GRIP1: variants seen among roughly 807,000 people sequenced by gnomAD.
GRIP1 encodes the protein glutamate receptor-interacting protein 1.
Under a neutral mutation model 129.9 loss-of-function variants are expected in GRIP1, and 45 were observed. The observed-to-expected ratio is 0.35, with a 90% confidence interval of 0.27 to 0.44. The LOEUF is 0.44. GRIP1 is among the 20% of genes least tolerant of loss of function. GRIP1 has a pLI of 1.00. For synonymous variants in GRIP1, 530 were observed against 520.8 expected (o/e 1.02, Z -0.24); for missense variants, 1,196 against 1,396.8 (o/e 0.86, Z 2.29).
At chr12:66,895,241 G>C (rs376110624) in intron 1 of GRIP1, among the ~76,000 whole-genome samples, 1 of 152,120 alleles carries the variant, frequency 6.6e-6, no homozygotes, top group Admixed American at 6.6e-5. Flanking sequence ...CTGGTGGGAG[G>C]TAATTGAATC....
chr12:66,728,497 A>G (rs2036326001), intron 1 of GRIP1, among the ~76,000 whole-genome samples: 1 of 152,198 alleles, frequency 6.6e-6, no homozygotes, highest in Non-Finnish European at 1.5e-5. Flanking sequence ...GAAACAATAA[A>G]GAAGAACACG....
chr12:67,039,450 C>T (rs2043144313), intron 1 of GRIP1, among the ~76,000 whole-genome samples: 1 of 152,162 alleles, frequency 6.6e-6, no homozygotes, highest in African/African-American at 2.4e-5. Context: ...ACTAGCCACA[C>T]AGTCAGTAGG....
chr12:67,068,848 A>AGCCCCCC (rs2043679653), intron 1 of GRIP1, among the ~76,000 whole-genome samples: 1 of 2,402 alleles, frequency 4.2e-4, no homozygotes, highest in African/African-American at 1.4e-3. Flanking sequence ...CTGCCCTCTC[A>AGCCCCCC]TCCCGCCCCC....
At chr12:66,762,573 G>T (rs1371619646) in intron 1 of GRIP1, among the ~76,000 whole-genome samples, 1 of 152,052 alleles carries the variant, frequency 6.6e-6, no homozygotes, top group Non-Finnish European at 1.5e-5. Flanking sequence ...TAAAATTTGT[G>T]GCTAAACATC....
intron 15 of GRIP1, among the ~76,000 whole-genome samples, chr12:66,408,929 G>C (rs1408594808): frequency 2.0e-5 from 3 of 152,184 alleles, no homozygotes; most frequent in African/African-American, 7.2e-5. Flanking sequence ...TGGCCAGGGG[G>C]AGAGACTTCT....
At chr12:66,403,137 T>TA (rs398019959) in intron 16 of GRIP1, among the ~76,000 whole-genome samples, 6 of 152,148 alleles carry the variant, frequency 3.9e-5, no homozygotes, top group South Asian at 2.1e-4. Flanking sequence ...TTTTTTTTTT[T>TA]AATTTATTTC....
At chr12:67,004,347 G>A (rs1159541809) in intron 1 of GRIP1, among the ~76,000 whole-genome samples, 1 of 152,172 alleles carries the variant, frequency 6.6e-6, no homozygotes, top group African/African-American at 2.4e-5. Context: ...ACAGGCCCCA[G>A]TTGTAACAGT....
intron 1 of GRIP1, among the ~76,000 whole-genome samples, chr12:66,637,605 TTAAAG>T (rs2031525458): frequency 6.6e-6 from 1 of 152,102 alleles, no homozygotes; most frequent in South Asian, 2.1e-4. Context: ...AGATAAACAG[TTAAAG>T]TAATTAAGCT....
At chr12:66,470,524 AT>A (rs1375518169) in intron 7 of GRIP1, among the ~76,000 whole-genome samples, 2 of 151,736 alleles carry the variant, frequency 1.3e-5, no homozygotes, top group Non-Finnish European at 2.9e-5. Flanking sequence ...CAACCTACCC[AT>A]TATACACTTT....
At chr12:66,971,176 T>C (rs2042071101) in intron 1 of GRIP1, among the ~76,000 whole-genome samples, 1 of 152,166 alleles carries the variant, frequency 6.6e-6, no homozygotes, top group Non-Finnish European at 1.5e-5. Context: ...CTGCTGTAGG[T>C]AAGCAAATCT....
chr12:66,957,223 C>G (rs959860191), intron 1 of GRIP1, among the ~76,000 whole-genome samples: 49 of 151,998 alleles, frequency 3.2e-4, no homozygotes, highest in Non-Finnish European at 1.2e-4. Context: ...CATGAAGACA[C>G]AACGAGAAGA....
At chr12:66,514,891 G>A (rs1401284956) in intron 7 of GRIP1, among the ~76,000 whole-genome samples, 1 of 152,040 alleles carries the variant, frequency 6.6e-6, no homozygotes, top group East Asian at 1.9e-4. Context: ...TCTGATAATT[G>A]TAAGGTTTAC....
In GRIP1 at chr12:66,376,872, C is replaced by A. The variant is rs1460993648; in HGVS notation, c.2778+145G>T. The A allele has an allele frequency of 6.5e-6, 5 of 771,788 alleles. No individual in the cohort carries two copies. In the African/African-American group the frequency reaches 8.5e-5, roughly 13 times the overall value. 47.8% of individuals were successfully genotyped at this position (771,788 alleles called of 1,614,324 possible). A position where few individuals can be genotyped will look rare whatever the true frequency, so the allele number is the denominator to read the frequency against. On this transcript the variant is annotated intron_variant, in intron 22 of 24. Coordinates refer to ENST00000359742, the MANE Select transcript of GRIP1 (RefSeq NM_001366722.1). ...AATCAGGGTTAGCAGGGAGCAATGGCAGAAGCCACAAGTCAGTAAGCTTGA... is the reference window on the plus strand; with the variant it reads ...AATCAGGGTTAGCAGGGAGCAATGGAAGAAGCCACAAGTCAGTAAGCTTGA...
At chr12:66,588,076 C>T (rs922202122) in intron 2 of GRIP1, among the ~76,000 whole-genome samples, 1 of 150,762 alleles carries the variant, frequency 6.6e-6, no homozygotes, top group African/African-American at 2.4e-5. Flanking sequence ...CACAGTGACT[C>T]GTTTCATTTT....
intron 1 of GRIP1, among the ~76,000 whole-genome samples, chr12:66,910,191 C>T (rs2041005751): frequency 6.6e-6 from 1 of 152,122 alleles, no homozygotes. Context: ...ATTCATTATT[C>T]TCCTTCCTTC....
chr12:66,766,940 G>T (rs973902332), intron 1 of GRIP1, among the ~76,000 whole-genome samples: 1 of 152,098 alleles, frequency 6.6e-6, no homozygotes, highest in African/African-American at 2.4e-5. Flanking sequence ...ATGGATAAGG[G>T]ATTCACTGCT....
chr12:66,488,179 C>T (rs1405935711), intron 7 of GRIP1, among the ~76,000 whole-genome samples: 1 of 152,174 alleles, frequency 6.6e-6, no homozygotes, highest in African/African-American at 2.4e-5. Flanking sequence ...AATATACATT[C>T]TTCTCATTGC....
intron 1 of GRIP1, among the ~76,000 whole-genome samples, chr12:67,040,716 T>C (rs1375022175): frequency 6.6e-6 from 1 of 152,106 alleles, no homozygotes; most frequent in Non-Finnish European, 1.5e-5. Context: ...AAAAATTGAA[T>C]GAAATTATGT....
intron 5 of GRIP1, among the ~76,000 whole-genome samples, chr12:66,525,786 C>G (rs565111313): frequency 6.6e-6 from 1 of 151,950 alleles, no homozygotes; most frequent in African/African-American, 2.4e-5. Context: ...AAAACCCCAT[C>G]GTCTCAGCCC....
Sources: gnomAD v4.1 joint callset for allele counts (sites outside exome capture counted in the v4.1 genomes callset) on GRCh38, gnomAD v4.1.1 for gene constraint, MANE v1.5 for transcripts, NCBI Gene and HGNC (gene_info 2026-07-23, HGNC 2026-07-21) for gene names.